Variants in LONRF2 observed in about 807,000 individuals in gnomAD.
LONRF2 encodes the protein LON peptidase N-terminal domain and ring finger 2, also known as LON peptidase N-terminal domain and RING finger protein 2.
LONRF2 carries 35 observed loss-of-function variants against 66.6 expected under a neutral mutation model. The ratio of observed to expected loss-of-function variants is 0.53; its 90% CI spans 0.40 to 0.70. The LOEUF (loss-of-function observed/expected upper bound fraction) is 0.70, where lower values mean the gene tolerates loss of function less well. Among genes scored for constraint, LONRF2 ranks in the 30% least tolerant of loss-of-function variants. The pLI is 0.00. For missense variants in LONRF2, 902 were observed against 1,002.1 expected (o/e 0.90, Z 1.35); for synonymous variants, 417 against 418.1 (o/e 1.00, Z 0.03).
chr2:100,315,584 C>T (rs1447150152), intron 1 of LONRF2, among the ~76,000 whole-genome samples: 1 of 143,428 alleles, frequency 7.0e-6, no homozygotes, highest in Admixed American at 7.3e-5. Context: ...AAGAAAGTTC[C>T]TTTTTATTCG....
chr2:100,287,137 C>A (rs977394351), intron 10 of LONRF2, 74 bp from the exon 11 acceptor site: 18 of 1,378,370 alleles, frequency 1.3e-5, no homozygotes, highest in Non-Finnish European at 1.7e-5. Flanking sequence ...GACCTCTGCA[C>A]CTCCACTAAG....
rs192556661 is a variant in LONRF2, at chr2:100,289,690, C to T, written c.1920+568G>A. On this transcript the variant is annotated intron_variant, in intron 10 of 11. Transcript: ENST00000393437. ...TGACCTCGTGACCTGCCCACCTTGG[C>T]CTCCCAAAGTGCTGGGATTACAGGC... 9.8e-3 allele frequency among the ~76,000 whole-genome samples: 1,497 copies of T among 152,258 alleles called. 23 individuals are homozygous for T. The highest frequency in any genetic ancestry group is 0.035 in the African/African-American group (1,437 of 41,548).
At chr2:100,305,156 C>T (rs1425225448) in intron 2 of LONRF2, among the ~76,000 whole-genome samples, 1 of 152,102 alleles carries the variant, frequency 6.6e-6, no homozygotes, top group East Asian at 1.9e-4. Context: ...GCAGCTGCAG[C>T]TGTGGAGATA....
chr2:100,305,919 C>T (rs111688135), intron 2 of LONRF2, among the ~76,000 whole-genome samples: 9,267 of 152,056 alleles, frequency 0.061, 904 homozygotes, highest in African/African-American at 0.21. Context: ...GATGGAGTCT[C>T]GCTCTGTCGC....
chr2:100,299,274 T>G lies in LONRF2; in HGVS notation c.1313A>C (p.Gln438Pro), dbSNP rs114250681. 4.8e-4 allele frequency: 765 copies of G among 1,595,122 alleles called. 6 individuals carry two copies. In the Middle Eastern group the frequency reaches 6.4e-3, roughly 13 times the overall value. ...GTCAGTTACATCAAGCGAGAGCCCCTGACTTTCTTCTGTCTCAGAGTTTGG... is the reference window on the plus strand; with the variant it reads ...GTCAGTTACATCAAGCGAGAGCCCCGGACTTTCTTCTGTCTCAGAGTTTGG... ...RSPNSETEES[Q>P]GLSLDVTDFE... Residue 438 changes from glutamine to proline, a missense_variant, in exon 6 of 12, where the codon CAG becomes CCG. Physicochemically the swap from Gln to Pro is moderately conservative, Grantham distance 76. This residue lies in a region of LONRF2 where 317 missense variants were observed against 432.2 expected (regional missense o/e 0.73). Transcript: ENST00000393437.
Position 100,321,509 on chromosome 2 carries a change from G to C in LONRF2, c.585C>G (p.Cys195Trp), listed in dbSNP as rs746603058. Residue 195 changes from cysteine (C) to tryptophan (W), a missense_variant, in exon 1 of 12, where the codon TGC becomes TGG. Physicochemically the swap from Cys to Trp is radical, Grantham distance 215. Transcript: ENST00000393437. The part of the protein sequence containing the change: ...GLLEKCFPAE[C>W]RLRRLAGQAR... ...CCTGGCCTGCCAGCCTGCGCAGCCG[G>C]CACTCGGCCGGGAAGCACTTCTCCA... 17 of 1,548,164 alleles carry C rather than the reference G, an allele frequency of 1.1e-5. No homozygotes were observed. The highest frequency in any genetic ancestry group is 2.2e-4 in the Middle Eastern group (1 of 4,474).
Position 100,294,364 on chromosome 2 carries a change from A to C in LONRF2, c.1622T>G (p.Phe541Cys). 6.3e-7 allele frequency: 1 copy of C among 1,596,766 alleles called. No homozygotes were observed. Among genetic ancestry groups the C allele is most frequent in the Non-Finnish European group, 8.5e-7 (1 of 1,174,028 alleles). Residue 541 changes from phenylalanine (F) to cysteine (C), a missense_variant, in exon 9 of 12, where the codon TTT becomes TGT. Around this residue, in one of 2 missense-constraint regions of LONRF2, gnomAD observed 317 missense variants for 432.2 expected, o/e 0.73. Coordinates refer to ENST00000393437, the MANE Select transcript of LONRF2 (RefSeq NM_198461.4). ...LSNLTRDVPI[F>C]VCAMAFPTVP... Reference sequence around the variant, plus strand: ...CGTGGGGAAGGCCATGGCACACACAAAGATGGGGACGTCTCTGGTCAGACT... The same window carrying C: ...CGTGGGGAAGGCCATGGCACACACACAGATGGGGACGTCTCTGGTCAGACT...
At chr2:100,298,552 C>A (rs975876183) in intron 7 of LONRF2, among the ~76,000 whole-genome samples, 1 of 152,216 alleles carries the variant, frequency 6.6e-6, no homozygotes, top group Non-Finnish European at 1.5e-5. Context: ...ACGTCTCAAC[C>A]ATTTACAATG....
chr2:100,293,232 A>G (rs1180159482), intron 9 of LONRF2, among the ~76,000 whole-genome samples: 2 of 152,216 alleles, frequency 1.3e-5, no homozygotes, highest in African/African-American at 2.4e-5. Context: ...ACCAACGGAC[A>G]TGGCATTTCT....
intron 7 of LONRF2, among the ~76,000 whole-genome samples, chr2:100,297,214 C>T (rs1009867039): frequency 2.0e-5 from 3 of 152,040 alleles, no homozygotes; most frequent in Non-Finnish European, 4.4e-5. Context: ...CTGCAAGCTC[C>T]GCCTCCCGGG....
At chr2:100,312,809 A>G (rs1675433887) in intron 1 of LONRF2, among the ~76,000 whole-genome samples, 1 of 152,252 alleles carries the variant, frequency 6.6e-6, no homozygotes, top group Non-Finnish European at 1.5e-5. Flanking sequence ...ACATTTTCTA[A>G]GGATTAAACC....
At chr2:100,297,746 G>A (rs1276310452) in intron 7 of LONRF2, among the ~76,000 whole-genome samples, 1 of 152,148 alleles carries the variant, frequency 6.6e-6, no homozygotes, top group Non-Finnish European at 1.5e-5. Flanking sequence ...ACAGCGCACA[G>A]CACAATAATT....
intron 2 of LONRF2, among the ~76,000 whole-genome samples, chr2:100,305,533 C>CT (rs941230624): frequency 3.3e-5 from 5 of 152,320 alleles, no homozygotes; most frequent in East Asian, 3.9e-4. Flanking sequence ...AATACCATGA[C>CT]TGTGCTGATG....
chr2:100,284,566 C>T (rs1185204957), intron 11 of LONRF2, 74 bp from the exon 12 acceptor site: 2 of 1,257,996 alleles, frequency 1.6e-6, no homozygotes, highest in East Asian at 2.8e-5. Context: ...GTCTTTTGCT[C>T]CACCAACAGA....
At chr2:100,290,017 G>C (rs1674925433) in intron 10 of LONRF2, among the ~76,000 whole-genome samples, 1 of 152,146 alleles carries the variant, frequency 6.6e-6, no homozygotes, top group Non-Finnish European at 1.5e-5. Flanking sequence ...TAAAGCAGGA[G>C]GATCGTTTGA....
At position 100,300,807 on chromosome 2, in the gene LONRF2, AG is replaced by A; in HGVS notation, c.922-21del. The A allele has an allele frequency of 6.4e-7, 1 of 1,554,240 alleles. No homozygotes were observed. The highest frequency in any genetic ancestry group is 8.7e-7 in the Non-Finnish European group (1 of 1,154,888). ...CATTACCTATAAAATTGCCAAGAAA[AG>A]AAAAAATATATATTTTAAAACACTT... On this transcript the variant is annotated intron_variant, in intron 3 of 11. Transcript: ENST00000393437.
chr2:100,285,890 A>T (rs1401573722), intron 11 of LONRF2, among the ~76,000 whole-genome samples: 1 of 152,202 alleles, frequency 6.6e-6, no homozygotes, highest in Non-Finnish European at 1.5e-5. Flanking sequence ...TCTTAACAGC[A>T]GTAGTAGGAA....
chr2:100,295,588 T>C, intron 7 of LONRF2, 35 bp from the exon 8 acceptor site: 7 of 1,597,440 alleles, frequency 4.4e-6, no homozygotes, highest in Non-Finnish European at 6.0e-6. Context: ...TACTGTATGG[T>C]AATTGATTCT....
intron 7 of LONRF2, among the ~76,000 whole-genome samples, chr2:100,296,971 T>A (rs1675081009): frequency 6.6e-6 from 1 of 152,200 alleles, no homozygotes; most frequent in African/African-American, 2.4e-5. Flanking sequence ...TATAGCATTC[T>A]AATTTCTGGA....
Sources: allele counts gnomAD v4.1 joint callset (sites outside exome capture counted in the v4.1 genomes callset), GRCh38; gene constraint gnomAD v4.1.1; regional missense constraint gnomAD v4.1.1; transcripts MANE v1.5; gene names NCBI Gene and HGNC (gene_info 2026-07-23, HGNC 2026-07-21).